The following EMID1 variants were observed in gnomAD, a reference collection of about 807,000 sequenced individuals.
The protein encoded by EMID1 is EMI domain-containing protein 1.
In EMID1, 40 loss-of-function variants were observed where a neutral mutation model predicts 60.6. The observed-to-expected ratio is 0.66, with a 90% CI of 0.51 to 0.86. The LOEUF (loss-of-function observed/expected upper bound fraction) is 0.86. Ranked by LOEUF, EMID1 falls within the 40% of genes least tolerant of loss-of-function variation. The probability of loss-of-function intolerance (pLI) is 0.00; values close to 1 mark genes in which losing one functional copy is unlikely to be tolerated. For missense variants in EMID1, 585 were observed against 597.1 expected (o/e 0.98, Z 0.21); for synonymous variants, 242 against 231.0 (o/e 1.05, Z -0.43).
At chr22:29,246,235 A>G (rs1055349777) in intron 13 of EMID1, among the ~76,000 whole-genome samples, 6 of 152,204 alleles carry the variant, frequency 3.9e-5, no homozygotes, top group Admixed American at 1.3e-4. Flanking sequence ...TGACAGGTAG[A>G]GAGTGGAACA....
chr22:29,255,565 C>G (rs1046946288), intron 14 of EMID1: 2 of 427,094 alleles, frequency 4.7e-6, no homozygotes, highest in Non-Finnish European at 8.4e-6. Flanking sequence ...TGCCAGGCAC[C>G]TTGCTGGGAC....
intron 1 of EMID1, among the ~76,000 whole-genome samples, chr22:29,212,092 T>G (rs1568966975): frequency 6.6e-6 from 1 of 152,060 alleles, no homozygotes; most frequent in East Asian, 1.9e-4. Flanking sequence ...TTCAAACAAT[T>G]CTCCTGCTTC....
At chr22:29,243,397 CT>C (rs1178083379) in intron 12 of EMID1, 47 bp from the exon 13 acceptor site, 1 of 1,597,210 alleles carries the variant, frequency 6.3e-7, no homozygotes, top group South Asian at 1.1e-5. Context: ...CCGTCCCTTT[CT>C]GTCTCCTTGC....
At chr22:29,211,714 T>C (rs2039890870) in intron 1 of EMID1, among the ~76,000 whole-genome samples, 1 of 152,240 alleles carries the variant, frequency 6.6e-6, no homozygotes, top group African/African-American at 2.4e-5. Flanking sequence ...CATAGTGTAT[T>C]CATTCTGTGT....
chr22:29,226,767 G>A (rs1054480686), intron 5 of EMID1, among the ~76,000 whole-genome samples: 5 of 152,140 alleles, frequency 3.3e-5, no homozygotes, highest in Non-Finnish European at 4.4e-5. Flanking sequence ...CTCACAGGTC[G>A]TGCCTCAGTT....
chr22:29,208,433 C>T (rs552601130), intron 1 of EMID1, among the ~76,000 whole-genome samples: 14 of 152,200 alleles, frequency 9.2e-5, no homozygotes, highest in African/African-American at 1.7e-4. Context: ...CTTCCTGCCC[C>T]GCTGAGGTCC....
rs1301549645 is a variant in EMID1 at position 29,259,277 on chromosome 22, G to A, written c.*333G>A. 6.1e-6 allele frequency: 2 copies of A among 326,070 alleles called. No individual in the cohort carries two copies. The highest frequency in any genetic ancestry group is 1.1e-5 in the Non-Finnish European group (2 of 176,948). 20.2% of individuals were successfully genotyped at this position (326,070 alleles called of 1,614,324 possible). On this transcript the variant is annotated 3_prime_UTR_variant, in exon 15 of 15. Transcript: ENST00000334018. The stretch of plus-strand genomic sequence containing the variant: ...CTGAGGGAGTCAGGAGCTGGGGCTC[G>A]GCACATGCAGAGATGACAGGGCAGG...
At chr22:29,231,208 T>C in intron 6 of EMID1, 68 bp downstream of exon 6, 1 of 1,527,648 alleles carries the variant, frequency 6.5e-7, no homozygotes, top group South Asian at 1.3e-5. Context: ...AGTGGGATTC[T>C]GGTCCCCACC....
At chr22:29,256,082 G>A (rs2041695768) in intron 14 of EMID1, among the ~76,000 whole-genome samples, 1 of 152,138 alleles carries the variant, frequency 6.6e-6, no homozygotes, top group African/African-American at 2.4e-5. Context: ...GAGGGGCTGA[G>A]CTCTATTCCT....
In EMID1 at chr22:29,234,059, C is replaced by T. The variant is rs1211481269; in HGVS notation, c.967-78C>T. On this transcript the variant is annotated intron_variant, in intron 10 of 14. Coordinates refer to ENST00000334018, the MANE Select transcript of EMID1 (RefSeq NM_133455.4). The stretch of plus-strand genomic sequence containing the variant: ...GCCCAGACCAAGCTTGAGCGCCCTC[C>T]CCAACACCTCTGTTCCCAAGCCCCT... The T allele has an allele frequency of 2.6e-6, 4 of 1,522,294 alleles. No homozygotes were observed. The South Asian group carries it at 4.9e-5, about 19-fold the overall frequency. 94.3% of individuals were successfully genotyped at this position (1,522,294 alleles called of 1,614,324 possible). A position where few individuals can be genotyped will look rare whatever the true frequency, so the allele number is the denominator to read the frequency against.
At chr22:29,217,355 T>C (rs1234052120) in intron 3 of EMID1, among the ~76,000 whole-genome samples, 4 of 152,252 alleles carry the variant, frequency 2.6e-5, no homozygotes, top group Non-Finnish European at 4.4e-5. Context: ...GCCAGCTCCC[T>C]CTGTGGGGCC....
intron 1 of EMID1, among the ~76,000 whole-genome samples, chr22:29,210,915 A>AC (rs1490908695): frequency 6.6e-6 from 1 of 151,782 alleles, no homozygotes; most frequent in South Asian, 2.1e-4. Flanking sequence ...GGCCAACAGT[A>AC]CCCTGCTGGG....
chr22:29,256,371 G>A (rs190204257), intron 14 of EMID1, among the ~76,000 whole-genome samples: 17 of 151,368 alleles, frequency 1.1e-4, no homozygotes, highest in Admixed American at 6.6e-4. Context: ...AGGCTGAGGC[G>A]GAGAATCACT....
rs546630546 is a variant in EMID1, at chr22:29,211,505, G to A, written c.102-3421G>A. Among the ~76,000 whole-genome samples the A allele has an allele frequency of 8.4e-4, 128 of 152,190 alleles. 1 individual carries two copies. The highest frequency in any genetic ancestry group is 1.5e-4 in the Non-Finnish European group (10 of 68,004). On this transcript the variant is annotated intron_variant, in intron 1 of 14. Coordinates refer to ENST00000334018, the MANE Select transcript of EMID1 (RefSeq NM_133455.4). ...TGTGCCTGTGTGTGCATGTGTGTGCGTGTATCTGTGTGTTTGTGTGGATCT... is the reference window on the plus strand; with the variant it reads ...TGTGCCTGTGTGTGCATGTGTGTGCATGTATCTGTGTGTTTGTGTGGATCT...
At position 29,217,635 on chromosome 22, in the gene EMID1, G is replaced by A. The variant is rs575325463; in HGVS notation, c.319+2005G>A. ...ACATTCAGCCTCAGTGTCCTCACCC[G>A]GGAAATGGGCAGGATGATAAGAGTC... On this transcript the variant is annotated intron_variant, in intron 3 of 14. Coordinates refer to ENST00000334018, the MANE Select transcript of EMID1 (RefSeq NM_133455.4). Among the ~76,000 whole-genome samples, 9 of 152,356 alleles carry A rather than the reference G, an allele frequency of 5.9e-5. No individual in the cohort carries two copies. The East Asian group carries it at 9.6e-4, about 16-fold the overall frequency.
intron 5 of EMID1, among the ~76,000 whole-genome samples, chr22:29,230,502 G>T (rs2040696210): frequency 6.6e-6 from 1 of 152,216 alleles, no homozygotes; most frequent in Non-Finnish European, 1.5e-5. Flanking sequence ...GGCAATGATG[G>T]TGTCAGTGAC....
In EMID1 at chr22:29,258,912, G is replaced by A. The variant is rs769445548; in HGVS notation, c.1300G>A (p.Val434Met). 11 of 1,613,242 alleles carry A rather than the reference G, an allele frequency of 6.8e-6. No individual in the cohort carries two copies. Among genetic ancestry groups the A allele is most frequent in the East Asian group, 2.2e-5 (1 of 44,842 alleles). The part of the protein sequence containing the change: ...RGGHATNYRI[V>M]APRSRDERG ...CGGACATGCAACCAACTACCGGATCGTGGCCCCCAGGAGCCGGGACGAGAG... is the reference window on the plus strand; with the variant it reads ...CGGACATGCAACCAACTACCGGATCATGGCCCCCAGGAGCCGGGACGAGAG... The change falls in exon 15 of 15, where the codon GTG becomes ATG. Residue 434 changes from valine (V) to methionine (M), a missense_variant. Val to Met is a conservative substitution (Grantham distance 21, BLOSUM62 1). Transcript: ENST00000334018.
chr22:29,223,354 A>G (rs1197927326), intron 3 of EMID1, among the ~76,000 whole-genome samples: 2 of 152,378 alleles, frequency 1.3e-5, no homozygotes, highest in Middle Eastern at 3.4e-3. Flanking sequence ...CCGAAGCTTC[A>G]TCACAGAGGA....
At chr22:29,210,555 C>G (rs959773389) in intron 1 of EMID1, among the ~76,000 whole-genome samples, 1 of 151,206 alleles carries the variant, frequency 6.6e-6, no homozygotes, top group Non-Finnish European at 1.5e-5. Context: ...TTTTAAGAGA[C>G]AAAGTGTCAC....
Sources: gnomAD v4.1 joint callset for allele counts (sites outside exome capture counted in the v4.1 genomes callset) on GRCh38, gnomAD v4.1.1 for gene constraint, MANE v1.5 for transcripts, NCBI Gene and HGNC (gene_info 2026-07-23, HGNC 2026-07-21) for gene names.